ARL14EPL: variants seen among roughly 807,000 people sequenced by gnomAD.
The protein encoded by ARL14EPL is ARL14 effector protein-like.
Under a neutral mutation model 15.9 loss-of-function variants are expected in ARL14EPL, and 17 were observed. That is an observed-to-expected ratio of 1.07 (90% CI 0.73 to 1.60). ARL14EPL has a LOEUF of 1.60. Among genes scored for constraint, ARL14EPL ranks in the 40% most tolerant of loss-of-function variants. The probability of loss-of-function intolerance (pLI) is 0.00; values close to 1 mark genes in which losing one functional copy is unlikely to be tolerated. For missense variants in ARL14EPL, 214 were observed against 185.9 expected, an observed-to-expected ratio of 1.15 and a Z score of -0.88; for synonymous variants, 78 against 63.8, an observed-to-expected ratio of 1.22 and a Z score of -1.06.
At chr5:116,054,288 A>G (rs1433373631) in intron 3 of ARL14EPL, 135 bp downstream of exon 3, 2 of 979,228 alleles carry the variant, frequency 2.0e-6, no homozygotes, top group South Asian at 2.5e-5. Flanking sequence ...AATAGTACCC[A>G]TGTGTCTGGA....
chr5:116,051,821 G>A, intron 2 of ARL14EPL: 1 of 916,672 alleles, frequency 1.1e-6, no homozygotes, highest in Non-Finnish European at 1.6e-6. Flanking sequence ...GCTTTTTGTG[G>A]AGAATATATA....
intron 1 of ARL14EPL, among the ~76,000 whole-genome samples, chr5:116,037,135 T>G (rs1377461688): frequency 1.3e-5 from 2 of 152,160 alleles, no homozygotes; most frequent in African/African-American, 4.8e-5. Flanking sequence ...GTGGAGCTAC[T>G]CTGGGACAAA....
chr5:116,033,219 C>T (rs1748990374), intron 1 of ARL14EPL, among the ~76,000 whole-genome samples: 3 of 152,190 alleles, frequency 2.0e-5, no homozygotes, highest in Admixed American at 1.3e-4. Flanking sequence ...GTTTGAGTTA[C>T]TATTTTCATA....
At chr5:116,057,101 G>T (rs1490563627) in intron 3 of ARL14EPL, among the ~76,000 whole-genome samples, 4 of 152,164 alleles carry the variant, frequency 2.6e-5, no homozygotes, top group Admixed American at 2.0e-4. Flanking sequence ...TTCATCCCTG[G>T]GATGCAAGGC....
chr5:116,033,548 A>C (rs1487404781), intron 1 of ARL14EPL, among the ~76,000 whole-genome samples: 3 of 152,202 alleles, frequency 2.0e-5, no homozygotes, highest in Admixed American at 6.5e-5. Context: ...ACTGAAGAAA[A>C]TCTAACTAGA....
intron 2 of ARL14EPL, among the ~76,000 whole-genome samples, chr5:116,053,115 C>T (rs186246859): frequency 3.5e-4 from 54 of 152,248 alleles, no homozygotes; most frequent in African/African-American, 1.3e-3. Context: ...GAGCCCAAGG[C>T]AGATGGTGGA....
intron 1 of ARL14EPL, among the ~76,000 whole-genome samples, chr5:116,039,542 G>C (rs1749109431): frequency 6.6e-6 from 1 of 152,090 alleles, no homozygotes; most frequent in Non-Finnish European, 1.5e-5. Context: ...AGCTGGGCAG[G>C]CAGGGAAGAA....
chr5:116,040,895 C>T (rs968695544), intron 1 of ARL14EPL, among the ~76,000 whole-genome samples: 5 of 140,658 alleles, frequency 3.6e-5, no homozygotes, highest in East Asian at 4.2e-4. Context: ...GCAGGAGAAT[C>T]GCATGAACCC....
intron 1 of ARL14EPL, among the ~76,000 whole-genome samples, chr5:116,048,755 T>C (rs1411940108): frequency 6.6e-6 from 1 of 152,118 alleles, no homozygotes; most frequent in Non-Finnish European, 1.5e-5. Context: ...AAGATGAGCC[T>C]ATAAAGGTTA....
intron 1 of ARL14EPL, among the ~76,000 whole-genome samples, chr5:116,044,149 T>C (rs1749219631): frequency 6.6e-6 from 1 of 152,210 alleles, no homozygotes; most frequent in African/African-American, 2.4e-5. Context: ...TTTTGCATCA[T>C]TGCCAGATGG....
At chr5:116,057,383 A>G (rs377565534) in intron 3 of ARL14EPL, among the ~76,000 whole-genome samples, 2 of 149,724 alleles carry the variant, frequency 1.3e-5, no homozygotes, top group East Asian at 2.0e-4. Context: ...TAGTGTATAT[A>G]TTTTGCATGA....
intron 3 of ARL14EPL, among the ~76,000 whole-genome samples, chr5:116,057,700 C>A (rs1749553367): frequency 6.6e-6 from 1 of 152,188 alleles, no homozygotes; most frequent in Non-Finnish European, 1.5e-5. Context: ...AGCAAGTACA[C>A]ATAATGACTA....
At chr5:116,045,772 GT>G (rs1749255467) in intron 1 of ARL14EPL, among the ~76,000 whole-genome samples, 2 of 110,546 alleles carry the variant, frequency 1.8e-5, no homozygotes, top group African/African-American at 5.8e-5. Context: ...GTGTGTGTGT[GT>G]GTGTGTGTAT....
intron 1 of ARL14EPL, among the ~76,000 whole-genome samples, chr5:116,038,065 G>T (rs1004227562): frequency 6.6e-6 from 1 of 152,158 alleles, no homozygotes; most frequent in Non-Finnish European, 1.5e-5. Context: ...AGGAGGAGAG[G>T]TAGGGATGGC....
intron 2 of ARL14EPL, among the ~76,000 whole-genome samples, chr5:116,053,567 A>G (rs188506035): frequency 2.3e-4 from 35 of 152,192 alleles, no homozygotes; most frequent in Admixed American, 1.9e-3. Context: ...ATCCCAGGGC[A>G]CTGAAGGGGA....
At chr5:116,053,124 G>C (rs1749429157) in intron 2 of ARL14EPL, among the ~76,000 whole-genome samples, 1 of 152,118 alleles carries the variant, frequency 6.6e-6, no homozygotes, top group African/African-American at 2.4e-5. Flanking sequence ...GCAGATGGTG[G>C]ATCCTTGGAG....
chr5:116,033,789 C>A (rs1434733011), intron 1 of ARL14EPL, among the ~76,000 whole-genome samples: 1 of 152,052 alleles, frequency 6.6e-6, no homozygotes, highest in African/African-American at 2.4e-5. Flanking sequence ...ATTTTGTTTG[C>A]TAAAAAGTTT....
chr5:116,053,126 T>A (rs1282364004), intron 2 of ARL14EPL, among the ~76,000 whole-genome samples: 1 of 152,094 alleles, frequency 6.6e-6, no homozygotes, highest in African/African-American at 2.4e-5. Context: ...AGATGGTGGA[T>A]CCTTGGAGCC....
rs56060606 is a variant in ARL14EPL, at chr5:116,040,979, C to CAAAAAAAAAA, written c.-10+8479_-10+8488dup. On this transcript the variant is annotated intron_variant, in intron 1 of 3. Coordinates refer to ENST00000686077, the MANE Select transcript of ARL14EPL (RefSeq NM_001195581.2). ...TGGGAGACAGAACGAGATTCCCTCT[C>CAAAAAAAAAA]AAAAAAAAAAAAAAGTTTTTATGCT... Among the ~76,000 whole-genome samples the CAAAAAAAAAA allele has an allele frequency of 8.8e-4, 58 of 66,144 alleles. 5 individuals carry two copies. The highest frequency in any genetic ancestry group is 3.7e-3 in the African/African-American group (56 of 14,994). The allele number at this position is 66,144 out of a possible 152,430, so 43.4% of individuals were successfully genotyped here. A position where few individuals can be genotyped will look rare whatever the true frequency, so the allele number is the denominator to read the frequency against.
Sources: gnomAD v4.1 joint callset for allele counts (sites outside exome capture counted in the v4.1 genomes callset) on GRCh38, gnomAD v4.1.1 for gene constraint, MANE v1.5 for transcripts, NCBI Gene and HGNC (gene_info 2026-07-23, HGNC 2026-07-21) for gene names.